TRPC4: variants seen among roughly 807,000 people sequenced by gnomAD.
TRPC4 encodes short transient receptor potential channel 4.
TRPC4 carries 49 observed loss-of-function variants against 99.4 expected under a neutral mutation model. That is an observed-to-expected ratio of 0.49 (90% confidence interval 0.39 to 0.63). The LOEUF (loss-of-function observed/expected upper bound fraction) is 0.63. Among genes scored for constraint, TRPC4 ranks in the 20% least tolerant of loss-of-function variants. TRPC4 has a pLI of 0.00. For missense variants in TRPC4, 898 were observed against 1,152.9 expected (o/e 0.78, Z 3.20); for synonymous variants, 454 against 425.9 (o/e 1.07, Z -0.81).
intron 6 of TRPC4, among the ~76,000 whole-genome samples, chr13:37,656,715 G>C (rs1455461208): frequency 2.6e-5 from 4 of 152,190 alleles, no homozygotes; most frequent in Non-Finnish European, 5.9e-5. Flanking sequence ...AGAGTCACTG[G>C]AATGACGGGA....
intron 3 of TRPC4, among the ~76,000 whole-genome samples, chr13:37,708,123 G>T (rs1267510109): frequency 6.6e-6 from 1 of 152,016 alleles, no homozygotes; most frequent in Non-Finnish European, 1.5e-5. Context: ...ATAGTAAATA[G>T]AATTAAAATC....
intron 1 of TRPC4, among the ~76,000 whole-genome samples, chr13:37,831,273 A>T (rs1242591932): frequency 2.0e-5 from 3 of 152,210 alleles, no homozygotes; most frequent in Non-Finnish European, 4.4e-5. Flanking sequence ...TAAACAGTAG[A>T]TGTATGAAAA....
At chr13:37,727,703 T>G (rs1330875069) in intron 3 of TRPC4, among the ~76,000 whole-genome samples, 1 of 151,550 alleles carries the variant, frequency 6.6e-6, no homozygotes, top group African/African-American at 2.4e-5. Context: ...TTTACTAAAA[T>G]CAGAAATGAA....
intron 6 of TRPC4, among the ~76,000 whole-genome samples, chr13:37,662,848 T>C (rs1348358508): frequency 1.3e-5 from 2 of 152,180 alleles, no homozygotes; most frequent in Admixed American, 1.3e-4. Context: ...GAGCTGACAA[T>C]AGACACTGTC....
intron 2 of TRPC4, among the ~76,000 whole-genome samples, chr13:37,757,887 A>G (rs953560558): frequency 1.3e-5 from 2 of 152,014 alleles, no homozygotes; most frequent in African/African-American, 4.8e-5. Context: ...ATGATTAAAT[A>G]TATTCTGGGG....
At chr13:37,824,485 G>T (rs1392423298) in intron 1 of TRPC4, among the ~76,000 whole-genome samples, 1 of 151,996 alleles carries the variant, frequency 6.6e-6, no homozygotes, top group Non-Finnish European at 1.5e-5. Flanking sequence ...AGCATGAAGG[G>T]TTGTTGAATT....
At chr13:37,832,888 C>G (rs1367525223) in intron 1 of TRPC4, among the ~76,000 whole-genome samples, 7 of 151,992 alleles carry the variant, frequency 4.6e-5, no homozygotes, top group Non-Finnish European at 8.8e-5. Flanking sequence ...ACCTCTAAAC[C>G]CTTTAAAAAC....
chr13:37,756,564 G>A (rs1028144469), intron 2 of TRPC4, among the ~76,000 whole-genome samples: 7 of 133,674 alleles, frequency 5.2e-5, no homozygotes, highest in African/African-American at 2.0e-4. Context: ...GTAGAGTCTT[G>A]CCCTGTCACC....
At chr13:37,812,125 G>A (rs1463626462) in intron 1 of TRPC4, among the ~76,000 whole-genome samples, 5 of 132,750 alleles carry the variant, frequency 3.8e-5, no homozygotes, top group African/African-American at 1.5e-4. Context: ...GTTGCAGTGA[G>A]CTGACACAGC....
chr13:37,644,897 G>GAA (rs1951825671), intron 8 of TRPC4, among the ~76,000 whole-genome samples: 15 of 122,352 alleles, frequency 1.2e-4, no homozygotes, highest in Non-Finnish European at 2.3e-4. Flanking sequence ...AAAAAAGAAA[G>GAA]AAATTTCTGG....
At chr13:37,698,942 C>T (rs1232306483) in intron 3 of TRPC4, among the ~76,000 whole-genome samples, 2 of 152,114 alleles carry the variant, frequency 1.3e-5, no homozygotes, top group Non-Finnish European at 2.9e-5. Flanking sequence ...CTATGCACCA[C>T]CATATGCCTT....
rs114934157 is a variant in TRPC4 at position 37,798,543 on chromosome 13, G to A, written c.-27-15183C>T. Reference sequence around the variant, plus strand: ...CAAAATTAGAATCTCAAAGTGTCATGATACTAAAAACCTCATAGGCTCATG... The same window carrying A: ...CAAAATTAGAATCTCAAAGTGTCATAATACTAAAAACCTCATAGGCTCATG... On this transcript the variant is annotated intron_variant, in intron 1 of 10. Coordinates refer to ENST00000379705, the MANE Select transcript of TRPC4 (RefSeq NM_016179.4). 2.1e-3 allele frequency among the ~76,000 whole-genome samples: 320 copies of A among 152,174 alleles called. 2 individuals are homozygous for A. The highest frequency in any genetic ancestry group is 7.4e-3 in the African/African-American group (309 of 41,526).
chr13:37,767,138 T>C (rs1485513646), intron 2 of TRPC4, among the ~76,000 whole-genome samples: 1 of 151,374 alleles, frequency 6.6e-6, no homozygotes, highest in Non-Finnish European at 1.5e-5. Flanking sequence ...AAACTGCCAG[T>C]GTATTTAATA....
chr13:37,707,574 T>C (rs1954326418), intron 3 of TRPC4, among the ~76,000 whole-genome samples: 1 of 152,154 alleles, frequency 6.6e-6, no homozygotes, highest in Non-Finnish European at 1.5e-5. Flanking sequence ...GCCTCTTATA[T>C]AGAAAAAGTT....
chr13:37,703,452 C>A (rs1414335962), intron 3 of TRPC4, among the ~76,000 whole-genome samples: 1 of 151,916 alleles, frequency 6.6e-6, no homozygotes, highest in Admixed American at 6.6e-5. Context: ...TCACCTTCTC[C>A]CTGACCAAGT....
chr13:37,681,906 T>C (rs1953252947), intron 4 of TRPC4, among the ~76,000 whole-genome samples: 1 of 152,198 alleles, frequency 6.6e-6, no homozygotes, highest in African/African-American at 2.4e-5. Flanking sequence ...GAGAACTTCC[T>C]TTTAAAAATA....
rs76312235 is a variant in TRPC4 at position 37,783,994 on chromosome 13, C to T, written c.-27-634G>A. ...AAGTGCCGGAATTACAGGCATGAGC[C>T]ACTGTGCCCTGCCCTCTATACTTAA... is the stretch of plus-strand genomic sequence containing the variant. On this transcript the variant is annotated intron_variant, in intron 1 of 10. Coordinates refer to ENST00000379705, the MANE Select transcript of TRPC4 (RefSeq NM_016179.4). Among the ~76,000 whole-genome samples the T allele has an allele frequency of 8.4e-3, 1,275 of 152,136 alleles. 6 individuals carry two copies. Among genetic ancestry groups the T allele is most frequent in the Middle Eastern group, 0.024 (7 of 294 alleles).
At chr13:37,705,095 A>G (rs919373409) in intron 3 of TRPC4, among the ~76,000 whole-genome samples, 3 of 152,236 alleles carry the variant, frequency 2.0e-5, no homozygotes, top group African/African-American at 7.2e-5. Flanking sequence ...GTATAGATAT[A>G]CACTAGAATA....
chr13:37,701,321 T>C (rs1261559843), intron 3 of TRPC4, among the ~76,000 whole-genome samples: 2 of 152,208 alleles, frequency 1.3e-5, no homozygotes, highest in African/African-American at 4.8e-5. Context: ...TGATTCCTGC[T>C]GATCAAACAT....
Sources: gnomAD v4.1 joint callset for allele counts (sites outside exome capture counted in the v4.1 genomes callset) on GRCh38, gnomAD v4.1.1 for gene constraint, MANE v1.5 for transcripts, NCBI Gene and HGNC (gene_info 2026-07-23, HGNC 2026-07-21) for gene names.